Variants in PCDHGB1 observed in about 807,000 individuals in gnomAD.
PCDHGB1 encodes the protein protocadherin gamma subfamily B, 1, also known as protocadherin gamma-B1.
In PCDHGB1, 34 loss-of-function variants were observed where a neutral mutation model predicts 56.6. The observed-to-expected ratio is 0.60, with a 90% CI of 0.46 to 0.80. The LOEUF (loss-of-function observed/expected upper bound fraction) is 0.80, where lower values mean the gene tolerates loss of function less well. Among genes scored for constraint, PCDHGB1 ranks in the 30% least tolerant of loss-of-function variants. PCDHGB1 has a pLI of 0.00. For missense variants in PCDHGB1, 1,278 were observed against 1,204.6 expected (o/e 1.06, Z -0.90); for synonymous variants, 561 against 505.9 (o/e 1.11, Z -1.46).
chr5:141,470,969 A>C (rs62379203), intron 1 of PCDHGB1, among the ~76,000 whole-genome samples: 16,337 of 151,332 alleles, frequency 0.11, 895 homozygotes, highest in South Asian at 0.15. Flanking sequence ...CTCCCACCTC[A>C]GCCTCCCAAA....
chr5:141,404,680 G>C, intron 1 of PCDHGB1: 1 of 1,614,160 alleles, frequency 6.2e-7, no homozygotes, highest in East Asian at 2.2e-5. Context: ...CTGGTGTGGA[G>C]CTGGCACCCC....
At chr5:141,421,894 C>T (rs764642401) in intron 1 of PCDHGB1, 6 of 1,613,586 alleles carry the variant, frequency 3.7e-6, no homozygotes, top group Non-Finnish European at 4.2e-6. Flanking sequence ...CGATCCCATC[C>T]GAAAGGGCGC....
At chr5:141,360,482 T>C in intron 1 of PCDHGB1, 4 of 1,613,924 alleles carry the variant, frequency 2.5e-6, no homozygotes, top group Non-Finnish European at 3.4e-6. Flanking sequence ...CCACTAAATA[T>C]TTTCTACATA....
chr5:141,432,763 C>T lies in PCDHGB1; in HGVS notation c.2410-62044C>T. The T allele has an allele frequency of 6.2e-7, 1 of 1,614,152 alleles. No homozygotes were observed. The highest frequency in any genetic ancestry group is 8.5e-7 in the Non-Finnish European group (1 of 1,180,004). ...TCACCGTGGCCGTGGCCGACAGCAT[C>T]CCCCAAGTCCTGGCGGACCTCGGCA... On this transcript the variant is annotated intron_variant, in intron 1 of 3. Transcript: ENST00000523390. This position sits in a 1 kb window ranked among gnomAD's most constrained non-coding sequence, Gnocchi z 6.0.
At chr5:141,407,874 T>C (rs2094995185) in intron 1 of PCDHGB1, 1 of 358,496 alleles carries the variant, frequency 2.8e-6, no homozygotes, top group South Asian at 5.6e-5. Context: ...GAAGAATATA[T>C]ACATTTCGGA....
chr5:141,422,968 C>T lies in PCDHGB1; in HGVS notation c.2409+70299C>T. 6.2e-7 allele frequency: 1 copy of T among 1,614,240 alleles called. No homozygotes were observed. Among genetic ancestry groups the T allele is most frequent in the South Asian group, 1.1e-5 (1 of 91,086 alleles). On this transcript the variant is annotated intron_variant, in intron 1 of 3. Coordinates refer to ENST00000523390, the MANE Select transcript of PCDHGB1 (RefSeq NM_018922.3). ...CTCCACTGGCGTGGAGCTGGCGCCC[C>T]GCTCTGCGGAACCTGGCTACCTGGT...
chr5:141,456,712 C>T (rs1025899058), intron 1 of PCDHGB1, among the ~76,000 whole-genome samples: 2 of 152,190 alleles, frequency 1.3e-5, no homozygotes, highest in African/African-American at 4.8e-5. Context: ...CGCCTGTAAT[C>T]CCAGCACTTT....
intron 1 of PCDHGB1, chr5:141,404,658 C>A: frequency 6.2e-7 from 1 of 1,614,198 alleles, no homozygotes; most frequent in Non-Finnish European, 8.5e-7. Flanking sequence ...GCCCTCCCCA[C>A]TGATGGTTCT....
rs774653294 is a variant in PCDHGB1, at chr5:141,352,085, G to C, written c.1825G>C (p.Glu609Gln). The C allele has an allele frequency of 5.6e-6, 9 of 1,604,744 alleles. No homozygotes were observed. The change falls in exon 1 of 4, where the codon GAG (glutamate) becomes CAG (glutamine). Residue 609 changes from glutamate to glutamine, a missense_variant. Transcript: ENST00000523390. ...GTCCTACCACGTGCTGCAGGCCAGC[G>C]AGCCCGGGCTCTTCAGCCTGGGGTT... Reference protein sequence around the residue: ...WLSYHVLQASEPGLFSLGLRT... With the variant: ...WLSYHVLQASQPGLFSLGLRT...
chr5:141,409,041 A>G lies in PCDHGB1; in HGVS notation c.2409+56372A>G, dbSNP rs981171621. On this transcript the variant is annotated intron_variant, in intron 1 of 3. Coordinates refer to ENST00000523390, the MANE Select transcript of PCDHGB1 (RefSeq NM_018922.3). ...GGGGTCAATGCTGAGATAAACTACT[A>G]CTTCCGAAGCACTGCCCAGAGCACA... The G allele has an allele frequency of 8.7e-6, 14 of 1,613,864 alleles. No homozygotes were observed. Among genetic ancestry groups the G allele is most frequent in the Non-Finnish European group, 7.6e-6 (9 of 1,179,894 alleles).
At chr5:141,419,584 C>T in intron 1 of PCDHGB1, 1 of 1,611,798 alleles carries the variant, frequency 6.2e-7, no homozygotes, top group Non-Finnish European at 8.5e-7. Context: ...CCGCGCTCTT[C>T]GACACAGTGC....
intron 1 of PCDHGB1, chr5:141,383,858 A>T: frequency 6.2e-7 from 1 of 1,613,996 alleles, no homozygotes. Flanking sequence ...ATGGAGGTTC[A>T]GGCTCAAGAT....
At chr5:141,354,618 C>T (rs2149781201) in intron 1 of PCDHGB1, among the ~76,000 whole-genome samples, 1 of 152,348 alleles carries the variant, frequency 6.6e-6, no homozygotes, top group East Asian at 1.9e-4. Context: ...GTCCCACTGT[C>T]TTTTCACTTA....
At chr5:141,457,107 A>G (rs2098908740) in intron 1 of PCDHGB1, among the ~76,000 whole-genome samples, 1 of 152,260 alleles carries the variant, frequency 6.6e-6, no homozygotes, top group African/African-American at 2.4e-5. Flanking sequence ...ATTAAGCAAA[A>G]TACGACAGCA....
chr5:141,383,368 G>C, intron 1 of PCDHGB1: 1 of 1,614,014 alleles, frequency 6.2e-7, no homozygotes, highest in Middle Eastern at 1.6e-4. Context: ...GTTAAGCGAG[G>C]CTGGGGATCC....
At chr5:141,364,184 A>G (rs1240883607) in intron 1 of PCDHGB1, 2 of 965,444 alleles carry the variant, frequency 2.1e-6, no homozygotes, top group Non-Finnish European at 1.5e-6. Flanking sequence ...CTCCCTCCAT[A>G]CTAAACACAC....
intron 1 of PCDHGB1, among the ~76,000 whole-genome samples, chr5:141,467,051 T>G (rs988417775): frequency 6.6e-6 from 1 of 151,462 alleles, no homozygotes; most frequent in Non-Finnish European, 1.5e-5. Context: ...TGAATCAATG[T>G]TTTCTTTTTT....
chr5:141,477,469 T>C lies in PCDHGB1; in HGVS notation c.2410-17338T>C, dbSNP rs2099411540. ...TGCGTGTTCAAGTGTCCGACATCAA[T>C]GACAACCCTCCACAATCTTCTCAAT... On this transcript the variant is annotated intron_variant, in intron 1 of 3. Coordinates refer to ENST00000523390, the MANE Select transcript of PCDHGB1 (RefSeq NM_018922.3). The surrounding 1 kb of genome is among the most constrained non-coding windows in gnomAD (Gnocchi z 4.9). 6.2e-7 allele frequency: 1 copy of C among 1,614,028 alleles called. No homozygotes were observed. Among genetic ancestry groups the C allele is most frequent in the South Asian group, 1.1e-5 (1 of 91,078 alleles).
At chr5:141,407,175 C>T (rs752092856) in intron 1 of PCDHGB1, among the ~76,000 whole-genome samples, 39 of 152,166 alleles carry the variant, frequency 2.6e-4, no homozygotes, top group Non-Finnish European at 5.4e-4. Flanking sequence ...TTATGACATA[C>T]AGACATTTTA....
Sources: gnomAD v4.1 joint callset for allele counts (sites outside exome capture counted in the v4.1 genomes callset) on GRCh38, gnomAD v4.1.1 for gene constraint, Gnocchi (gnomAD v3.1) non-coding constraint, MANE v1.5 for transcripts, NCBI Gene and HGNC (gene_info 2026-07-23, HGNC 2026-07-21) for gene names.